DNAJC17: variants seen among roughly 807,000 people sequenced by gnomAD.
The protein encoded by DNAJC17 is dnaJ homolog subfamily C member 17.
A neutral mutation model predicts 48.1 loss-of-function variants in DNAJC17; 35 were observed. The observed-to-expected ratio is 0.73, with a 90% CI of 0.56 to 0.96. DNAJC17 has a LOEUF of 0.96. DNAJC17 is among the 50% of genes least tolerant of loss of function. DNAJC17 has a pLI of 0.00. For missense variants in DNAJC17, 355 were observed against 377.1 expected (o/e 0.94, Z 0.48); for synonymous variants, 117 against 142.7 (o/e 0.82, Z 1.28).
chr15:40,795,946 C>T (rs546163216), intron 1 of DNAJC17, among the ~76,000 whole-genome samples: 1 of 152,186 alleles, frequency 6.6e-6, no homozygotes, highest in African/African-American at 2.4e-5. Flanking sequence ...AGGCACCAAG[C>T]GCACAGCATT....
chr15:40,774,870 G>A (rs1889273101), intron 8 of DNAJC17, 161 bp downstream of exon 8: 1 of 720,214 alleles, frequency 1.4e-6, no homozygotes, highest in East Asian at 2.7e-5. Context: ...CAAGGCTGTA[G>A]CCTGGGGAGA....
At position 40,779,580 on chromosome 15, in the gene DNAJC17, G is replaced by A; in HGVS notation, c.172C>T (p.Gln58Ter). 2 of 1,614,080 alleles carry A rather than the reference G, an allele frequency of 1.2e-6. No homozygotes were observed. Among genetic ancestry groups the A allele is most frequent in the Non-Finnish European group, 1.7e-6 (2 of 1,180,026 alleles). ...RAAELFHQLSQALEVLTDAAA... is the reference protein window; with the variant it reads ...RAAELFHQLS ...GCATCGGTCAGCACCTCCAAGGCCT[G>A]AGAAAGCTGGTGGAAGAGTTCAGCT... Residue 58 changes from glutamine to a stop codon, truncating the protein, a stop_gained, in exon 3 of 11, where the codon CAG (glutamine) becomes TAG (stop). Transcript: ENST00000220496. LOFTEE classifies it high-confidence loss of function.
intron 1 of DNAJC17, among the ~76,000 whole-genome samples, chr15:40,798,703 T>C (rs192187956): frequency 6.6e-6 from 1 of 152,068 alleles, no homozygotes; most frequent in East Asian, 1.9e-4. Context: ...TGACCAGAGG[T>C]GACAAAATCT....
At chr15:40,771,264 G>A (rs1889132271) in intron 10 of DNAJC17, 1 of 554,916 alleles carries the variant, frequency 1.8e-6, no homozygotes, top group Non-Finnish European at 3.3e-6. Flanking sequence ...TTGGGGGGGC[G>A]GCCCTTCCTG....
intron 4 of DNAJC17, among the ~76,000 whole-genome samples, chr15:40,778,678 G>A (rs1349989144): frequency 6.6e-6 from 1 of 152,166 alleles, no homozygotes; most frequent in Non-Finnish European, 1.5e-5. Flanking sequence ...CAGCTCACCA[G>A]CTGTAATACC....
intron 8 of DNAJC17, 37 bp downstream of exon 8, chr15:40,774,994 G>T: frequency 6.2e-7 from 1 of 1,609,474 alleles, no homozygotes; most frequent in African/African-American, 1.3e-5. Flanking sequence ...GACGTGGACT[G>T]AGATGATAGG....
intron 6 of DNAJC17, 76 bp downstream of exon 6, chr15:40,776,120 C>T (rs1009237444): frequency 2.3e-5 from 33 of 1,433,288 alleles, no homozygotes; most frequent in South Asian, 1.3e-4. Context: ...GCAGCTCCAC[C>T]GAACAGCCAG....
intron 1 of DNAJC17, among the ~76,000 whole-genome samples, chr15:40,806,139 T>G (rs528342436): frequency 5.3e-5 from 8 of 152,094 alleles, no homozygotes; most frequent in South Asian, 4.1e-4. Flanking sequence ...CCCCAGAGCT[T>G]CCTCTTCTCA....
intron 1 of DNAJC17, among the ~76,000 whole-genome samples, chr15:40,791,396 C>A (rs1345289501): frequency 6.6e-6 from 1 of 151,828 alleles, no homozygotes; most frequent in East Asian, 1.9e-4. Context: ...GGTATGGTGG[C>A]GTGTGCCTGT....
rs765571404 is a variant in DNAJC17 at position 40,775,083 on chromosome 15, T to A, written c.548A>T (p.Asp183Val). ...TTTGGAGTAGCCACCTTTTGACTCA[T>A]CCTCCTTCTTGCACTTCCATTTTAG... ...LKLKWKCKKE[D>V]ESKGGYSKDV... The change falls in exon 8 of 11, where the codon GAT becomes GTT. Residue 183 changes from aspartate to valine, a missense_variant. By Grantham distance (152) the Asp-to-Val change is radical (BLOSUM62 -3). Transcript: ENST00000220496. 9 of 1,614,148 alleles carry A rather than the reference T, an allele frequency of 5.6e-6. No homozygotes were observed. The South Asian group carries it at 9.9e-5, about 18-fold the overall frequency.
chr15:40,803,773 G>A (rs1002679844), intron 1 of DNAJC17, among the ~76,000 whole-genome samples: 2 of 152,046 alleles, frequency 1.3e-5, no homozygotes, highest in African/African-American at 4.8e-5. Context: ...TTAAAGGCAG[G>A]AGCAGCACCT....
Position 40,776,191 on chromosome 15 carries a change from T to A in DNAJC17, c.478+5A>T. 6.2e-7 allele frequency: 1 copy of A among 1,612,958 alleles called. No homozygotes were observed. Among genetic ancestry groups the A allele is most frequent in the Non-Finnish European group, 8.5e-7 (1 of 1,179,806 alleles). ...GGGGAGATAGGCGGGGTGATAGACC[T>A]GCACCTCTCAACCTCTGGTCACGCT... On this transcript the variant is annotated splice_donor_5th_base_variant and intron_variant, in intron 6 of 10. Coordinates refer to ENST00000220496, the MANE Select transcript of DNAJC17 (RefSeq NM_018163.3).
At chr15:40,795,948 C>CACAG (rs1889932463) in intron 1 of DNAJC17, among the ~76,000 whole-genome samples, 3 of 152,220 alleles carry the variant, frequency 2.0e-5, no homozygotes, top group Admixed American at 6.5e-5. Flanking sequence ...GCACCAAGCG[C>CACAG]ACAGCATTGC....
intron 10 of DNAJC17, among the ~76,000 whole-genome samples, chr15:40,773,009 A>C (rs1566820219): frequency 7.0e-6 from 1 of 143,290 alleles, no homozygotes; most frequent in Non-Finnish European, 1.5e-5. Flanking sequence ...TGCCCAGGCT[A>C]GAGTGCAATG....
rs1235136340 is a variant in DNAJC17 at position 40,773,925 on chromosome 15, C to T, written c.682-88G>A. On this transcript the variant is annotated intron_variant, in intron 9 of 10. Coordinates refer to ENST00000220496, the MANE Select transcript of DNAJC17 (RefSeq NM_018163.3). ...ACCCCCACAGAGAGAACGGAACCAGCGTTCTAGCCCTCTAAGCAGAGATGC... is the reference window on the plus strand; with the variant it reads ...ACCCCCACAGAGAGAACGGAACCAGTGTTCTAGCCCTCTAAGCAGAGATGC... 9 of 1,178,014 alleles carry T rather than the reference C, an allele frequency of 7.6e-6. No homozygotes were observed. In the African/African-American group the frequency reaches 9.3e-5, roughly 12 times the overall value. 73.0% of individuals were successfully genotyped at this position (1,178,014 alleles called of 1,614,324 possible). A position where few individuals can be genotyped will look rare whatever the true frequency, so the allele number is the denominator to read the frequency against.
At chr15:40,796,712 A>G (rs1889947046) in intron 1 of DNAJC17, among the ~76,000 whole-genome samples, 1 of 152,236 alleles carries the variant, frequency 6.6e-6, no homozygotes, top group Admixed American at 6.5e-5. Flanking sequence ...AACATTAAAC[A>G]TAGAATTACC....
At chr15:40,773,171 G>A (rs1889205827) in intron 10 of DNAJC17, among the ~76,000 whole-genome samples, 1 of 152,068 alleles carries the variant, frequency 6.6e-6, no homozygotes, top group Non-Finnish European at 1.5e-5. Flanking sequence ...TGTTGGTCAG[G>A]CTAGTCTTCA....
chr15:40,779,097 G>C (rs750987776), intron 4 of DNAJC17, 126 bp downstream of exon 4: 3 of 892,444 alleles, frequency 3.4e-6, no homozygotes, highest in South Asian at 1.3e-5. Context: ...TAAGAACAGC[G>C]TTTTGCCCAG....
intron 9 of DNAJC17, 63 bp from the exon 10 acceptor site, chr15:40,773,900 A>G: frequency 7.1e-7 from 1 of 1,411,416 alleles, no homozygotes; most frequent in Admixed American, 2.0e-5. Context: ...GGCTCTCTCT[A>G]CCCCCACAGA....
Sources: gnomAD v4.1 joint callset for allele counts (sites outside exome capture counted in the v4.1 genomes callset) on GRCh38, gnomAD v4.1.1 for gene constraint, MANE v1.5 for transcripts, NCBI Gene and HGNC (gene_info 2026-07-23, HGNC 2026-07-21) for gene names.